Variants in BCAS3 observed in about 807,000 individuals in gnomAD.
BCAS3 encodes BCAS3 microtubule associated cell migration factor, also known as BCAS4/BCAS3 fusion.
BCAS3 carries 53 observed loss-of-function variants against 116.1 expected under a neutral mutation model. That is an observed-to-expected ratio of 0.46 (90% confidence interval 0.37 to 0.57). BCAS3 has a LOEUF of 0.57. Among genes scored for constraint, BCAS3 ranks in the 20% least tolerant of loss-of-function variants. The probability of loss-of-function intolerance (pLI) is 0.00; values close to 1 mark genes in which losing one functional copy is unlikely to be tolerated. For missense variants in BCAS3, 917 were observed against 1,165.4 expected (o/e 0.79, Z 3.10); for synonymous variants, 391 against 408.2 (o/e 0.96, Z 0.51).
Position 61,332,669 on chromosome 17 carries a change from G to A in BCAS3, c.2426-35658G>A, listed in dbSNP as rs901944068. 6.6e-6 allele frequency among the ~76,000 whole-genome samples: 1 copy of A among 152,092 alleles called. No individual in the cohort carries two copies. Among genetic ancestry groups the A allele is most frequent in the Admixed American group, 6.5e-5 (1 of 15,272 alleles). On this transcript the variant is annotated intron_variant, in intron 22 of 23. Coordinates refer to ENST00000407086, the MANE Select transcript of BCAS3 (RefSeq NM_017679.5). This position sits in a 1 kb window ranked among gnomAD's most constrained non-coding sequence, Gnocchi z 5.4. The stretch of plus-strand genomic sequence containing the variant: ...CTTGCTCTGTCACCCAGGCTGGAGT[G>A]CAATGGCATGATCTCGGCTCATAGC...
At chr17:61,090,933 G>A (rs1465025556) in intron 22 of BCAS3, among the ~76,000 whole-genome samples, 2 of 152,206 alleles carry the variant, frequency 1.3e-5, no homozygotes, top group Non-Finnish European at 2.9e-5. Context: ...GGGATTACAG[G>A]CGTGAGCCAC....
rs140043756 is a variant in BCAS3, at chr17:60,921,813, T to TA, written c.994-2584dup. 3.0e-3 allele frequency among the ~76,000 whole-genome samples: 432 copies of TA among 146,352 alleles called. 2 individuals are homozygous for TA. The highest frequency in any genetic ancestry group is 0.011 in the Middle Eastern group (3 of 284). ...ACCCCTTGTATCTAAAAGTTGAAAT[T>TA]AAAAAAAAAACATGTAAACAATAAC... is the stretch of plus-strand genomic sequence containing the variant. On this transcript the variant is annotated intron_variant, in intron 12 of 23. Coordinates refer to ENST00000407086, the MANE Select transcript of BCAS3 (RefSeq NM_017679.5).
intron 19 of BCAS3, among the ~76,000 whole-genome samples, chr17:61,066,228 CA>C (rs1228340197): frequency 6.6e-6 from 1 of 152,154 alleles, no homozygotes; most frequent in Non-Finnish European, 1.5e-5. Context: ...TCCAGAGCTA[CA>C]GCTAAGAGAA....
In BCAS3 at chr17:61,162,842, T is replaced by G. The variant is rs991660136; in HGVS notation, c.2425+78278T>G. Among the ~76,000 whole-genome samples the G allele has an allele frequency of 3.9e-5, 6 of 152,190 alleles. No individual in the cohort carries two copies. The highest frequency in any genetic ancestry group is 1.4e-4 in the African/African-American group (6 of 41,436). ...TATTTACATTCTTAATGTTTTGCCT[T>G]TTGTTGTTATTTGGGACACTCAAGA... On this transcript the variant is annotated intron_variant, in intron 22 of 23. Transcript: ENST00000407086. This position sits in a 1 kb window ranked among gnomAD's most constrained non-coding sequence, Gnocchi z 5.6.
At chr17:61,269,117 C>CTT (rs796111045) in intron 22 of BCAS3, among the ~76,000 whole-genome samples, 1 of 140,340 alleles carries the variant, frequency 7.1e-6, no homozygotes, top group South Asian at 2.3e-4. Context: ...ATTTTCTTTT[C>CTT]TTTTTTTTTT....
At chr17:60,787,266 C>T (rs1284941695) in intron 6 of BCAS3, among the ~76,000 whole-genome samples, 1 of 152,166 alleles carries the variant, frequency 6.6e-6, no homozygotes, top group Non-Finnish European at 1.5e-5. Flanking sequence ...TTTCTGTCAC[C>T]TCAGGAAGTT....
intron 22 of BCAS3, among the ~76,000 whole-genome samples, chr17:61,330,808 G>A (rs1402138324): frequency 6.6e-6 from 1 of 152,224 alleles, no homozygotes; most frequent in Non-Finnish European, 1.5e-5. Flanking sequence ...GCATGACTGG[G>A]AACAAGTAAC....
Position 61,211,603 on chromosome 17 carries a change from T to C in BCAS3, c.2425+127039T>C, listed in dbSNP as rs115294687. ...CTGAGGCTGGTGTTGCAGATTTGCA[T>C]TGGTCTAGTAGGAATTATGCATCAT... On this transcript the variant is annotated intron_variant, in intron 22 of 23. Coordinates refer to ENST00000407086, the MANE Select transcript of BCAS3 (RefSeq NM_017679.5). This position sits in a 1 kb window ranked among gnomAD's most constrained non-coding sequence, Gnocchi z 4.4. Among the ~76,000 whole-genome samples, 384 of 152,154 alleles carry C rather than the reference T, an allele frequency of 2.5e-3. 1 individual carries two copies. Among genetic ancestry groups the C allele is most frequent in the African/African-American group, 7.6e-3 (317 of 41,506 alleles).
rs1369776786 is a variant in BCAS3 at position 61,356,029 on chromosome 17, CTG to C, written c.2426-12295_2426-12294del. ...CTCTTTTTTGAGACTGAGTCTTACT[CTG>C]TGGCCCAGGCTGGAGTACAATGGCG... On this transcript the variant is annotated intron_variant, in intron 22 of 23. Coordinates refer to ENST00000407086, the MANE Select transcript of BCAS3 (RefSeq NM_017679.5). This position sits in a 1 kb window ranked among gnomAD's most constrained non-coding sequence, Gnocchi z 5.4. Among the ~76,000 whole-genome samples, 1 of 152,196 alleles carries C rather than the reference CTG, an allele frequency of 6.6e-6. No homozygotes were observed. The highest frequency in any genetic ancestry group is 1.9e-4 in the East Asian group (1 of 5,190).
chr17:60,905,149 G>A (rs965853802), intron 11 of BCAS3, among the ~76,000 whole-genome samples: 1 of 152,104 alleles, frequency 6.6e-6, no homozygotes, highest in African/African-American at 2.4e-5. Flanking sequence ...TTTGGAATAA[G>A]AATATATGGA....
At chr17:60,798,256 A>G (rs758945682) in intron 6 of BCAS3, among the ~76,000 whole-genome samples, 1 of 152,242 alleles carries the variant, frequency 6.6e-6, no homozygotes, top group Non-Finnish European at 1.5e-5. Context: ...TGCATTTCAC[A>G]AATGTATAGT....
chr17:61,280,551 T>C (rs2051151807), intron 22 of BCAS3, among the ~76,000 whole-genome samples: 1 of 152,200 alleles, frequency 6.6e-6, no homozygotes, highest in Non-Finnish European at 1.5e-5. Flanking sequence ...TATGAGTAAT[T>C]TATTCTCTGT....
At chr17:61,047,225 C>T (rs1227540870) in intron 19 of BCAS3, among the ~76,000 whole-genome samples, 2 of 151,740 alleles carry the variant, frequency 1.3e-5, no homozygotes, top group South Asian at 4.2e-4. Context: ...CAAATTGATA[C>T]CCCAAATTGA....
chr17:60,682,292 G>A (rs913551738), intron 2 of BCAS3, among the ~76,000 whole-genome samples: 3 of 152,182 alleles, frequency 2.0e-5, no homozygotes, highest in Admixed American at 1.3e-4. Context: ...ATTCAAAGAA[G>A]AACTTGGTGT....
intron 12 of BCAS3, among the ~76,000 whole-genome samples, chr17:60,915,195 T>C (rs1334649571): frequency 6.6e-6 from 1 of 152,192 alleles, no homozygotes; most frequent in Admixed American, 6.5e-5. Flanking sequence ...TTAACCTGAA[T>C]GATGATGTAT....
At position 61,258,080 on chromosome 17, in the gene BCAS3, C is replaced by T. The variant is rs895819206; in HGVS notation, c.2426-110247C>T. On this transcript the variant is annotated intron_variant, in intron 22 of 23. Coordinates refer to ENST00000407086, the MANE Select transcript of BCAS3 (RefSeq NM_017679.5). This position sits in a 1 kb window ranked among gnomAD's most constrained non-coding sequence, Gnocchi z 4.7. ...CCTGCTCTTCTCAGTGTCCTTCATA[C>T]ACTCCTGGTTAACCACCTACAGGAT... Among the ~76,000 whole-genome samples the T allele has an allele frequency of 1.3e-5, 2 of 152,076 alleles. No individual in the cohort carries two copies. Among genetic ancestry groups the T allele is most frequent in the African/African-American group, 4.8e-5 (2 of 41,404 alleles).
intron 7 of BCAS3, among the ~76,000 whole-genome samples, chr17:60,836,195 TATC>T (rs1255568626): frequency 2.0e-5 from 3 of 152,138 alleles, no homozygotes; most frequent in African/African-American, 7.2e-5. Flanking sequence ...GACACATCAT[TATC>T]ACCCAGATTC....
intron 22 of BCAS3, among the ~76,000 whole-genome samples, chr17:61,085,122 A>G (rs1334971372): frequency 6.6e-6 from 1 of 152,232 alleles, no homozygotes; most frequent in Non-Finnish European, 1.5e-5. Context: ...CTTTGCCTTT[A>G]TAGGTGATCG....
In BCAS3 at chr17:61,282,965, T is replaced by C. The variant is rs2051366823; in HGVS notation, c.2426-85362T>C. The stretch of plus-strand genomic sequence containing the variant: ...ATATATAATACATATTTTATATTTT[T>C]ATATATAAATTTTTTTCACTGTGAT... On this transcript the variant is annotated intron_variant, in intron 22 of 23. Transcript: ENST00000407086. This position sits in a 1 kb window ranked among gnomAD's most constrained non-coding sequence, Gnocchi z 5.9. 6.6e-6 allele frequency among the ~76,000 whole-genome samples: 1 copy of C among 150,404 alleles called. No individual in the cohort carries two copies. Among genetic ancestry groups the C allele is most frequent in the Non-Finnish European group, 1.5e-5 (1 of 67,692 alleles).
Sources: gnomAD v4.1 joint callset for allele counts (sites outside exome capture counted in the v4.1 genomes callset) on GRCh38, gnomAD v4.1.1 for gene constraint, Gnocchi (gnomAD v3.1) non-coding constraint, MANE v1.5 for transcripts, NCBI Gene and HGNC (gene_info 2026-07-23, HGNC 2026-07-21) for gene names.